Variants in BATF observed in about 807,000 individuals in gnomAD.
BATF encodes the protein basic leucine zipper ATF-like transcription factor, also known as basic leucine zipper transcriptional factor ATF-like.
A neutral mutation model predicts 13.7 loss-of-function variants in BATF; 5 were observed. The observed-to-expected ratio is 0.36, with a 90% CI of 0.19 to 0.77. The LOEUF (loss-of-function observed/expected upper bound fraction) is 0.77, where lower values mean the gene tolerates loss of function less well. Among genes scored for constraint, BATF ranks in the 30% least tolerant of loss-of-function variants. The pLI is 0.51. For synonymous variants in BATF, 72 were observed against 67.5 expected (o/e 1.07, Z -0.33); for missense variants, 124 against 163.0 (o/e 0.76, Z 1.30).
intron 2 of BATF, among the ~76,000 whole-genome samples, chr14:75,543,361 A>G (rs745682276): frequency 1.6e-4 from 24 of 152,156 alleles, no homozygotes; most frequent in Non-Finnish European, 3.4e-4. Context: ...AAGAAATGCC[A>G]GGTTGAGGCT....
chr14:75,542,084 G>GAGCCAAGCCCTGCTCTGCGCCTCCCTCA, intron 2 of BATF, among the ~76,000 whole-genome samples: 1 of 152,304 alleles, frequency 6.6e-6, no homozygotes, highest in Non-Finnish European at 1.5e-5. Flanking sequence ...CGCCTCCCTC[G>GAGCCAAGCCCTGCTCTGCGCCTCCCTCA]CGGGCAATGA....
chr14:75,542,067 T>C (rs906580194), intron 2 of BATF, among the ~76,000 whole-genome samples: 1 of 152,232 alleles, frequency 6.6e-6, no homozygotes, highest in African/African-American at 2.4e-5. Flanking sequence ...AGCCAAGCCC[T>C]GCTCTGCGCC....
intron 2 of BATF, among the ~76,000 whole-genome samples, chr14:75,529,494 TG>T (rs1418234250): frequency 2.0e-5 from 3 of 152,084 alleles, no homozygotes; most frequent in African/African-American, 7.2e-5. Flanking sequence ...TAAAGAAACT[TG>T]AAAAGACAAA....
Position 75,546,591 on chromosome 14 carries a change from A to C in BATF, c.298A>C (p.Thr100Pro), listed in dbSNP as rs1309382976. The C allele has an allele frequency of 2.5e-6, 4 of 1,613,834 alleles. No individual in the cohort carries two copies. Among genetic ancestry groups the C allele is most frequent in the Admixed American group, 3.3e-5 (2 of 59,990 alleles). Residue 100 changes from threonine to proline, a missense_variant, in exon 3 of 3, where the codon ACG (threonine) becomes CCG (proline). Coordinates refer to ENST00000286639, the MANE Select transcript of BATF (RefSeq NM_006399.5). ...CCTGTGCTCGGTGCTGGCCGCCAGC[A>C]CGCCCTCGCCCCCCGAGGTGGTGTA... ...EPLCSVLAAS[T>P]PSPPEVVYSA...
intron 2 of BATF, among the ~76,000 whole-genome samples, chr14:75,539,424 A>ATT (rs1162218076): frequency 0.022 from 1,289 of 58,512 alleles, 131 homozygotes; most frequent in African/African-American, 0.086. Flanking sequence ...GTAAGCTGGA[A>ATT]TTTTTTTTTT....
At chr14:75,536,302 G>C (rs1887815658) in intron 2 of BATF, among the ~76,000 whole-genome samples, 1 of 152,182 alleles carries the variant, frequency 6.6e-6, no homozygotes, top group South Asian at 2.1e-4. Flanking sequence ...GAAAGATCTG[G>C]GGAGAGGGTG....
At chr14:75,529,338 A>G (rs1887698639) in intron 2 of BATF, among the ~76,000 whole-genome samples, 1 of 152,272 alleles carries the variant, frequency 6.6e-6, no homozygotes, top group Non-Finnish European at 1.5e-5. Flanking sequence ...GGACACAAGT[A>G]TAAATACAAA....
intron 2 of BATF, among the ~76,000 whole-genome samples, chr14:75,530,208 C>T (rs993248140): frequency 6.6e-6 from 1 of 152,178 alleles, no homozygotes; most frequent in Non-Finnish European, 1.5e-5. Flanking sequence ...AGCAGTGAGG[C>T]TGGCAAAGAT....
intron 2 of BATF, among the ~76,000 whole-genome samples, chr14:75,529,470 T>TA (rs1338129134): frequency 1.3e-5 from 2 of 151,868 alleles, no homozygotes; most frequent in African/African-American, 2.4e-5. Flanking sequence ...TTAAATTTTT[T>TA]AAAAAAAGGA....
intron 2 of BATF, 88 bp from the exon 3 acceptor site, chr14:75,546,374 A>C (rs1362077936): frequency 7.4e-7 from 1 of 1,357,384 alleles, no homozygotes; most frequent in African/African-American, 1.4e-5. Context: ...TGAACAACTA[A>C]TCTGGCCCCT....
chr14:75,529,781 A>G (rs1887705524), intron 2 of BATF, among the ~76,000 whole-genome samples: 1 of 152,100 alleles, frequency 6.6e-6, no homozygotes, highest in Admixed American at 6.5e-5. Context: ...AAAATGAACA[A>G]TGGGCCGGGC....
At chr14:75,528,524 T>C (rs555220848) in intron 2 of BATF, among the ~76,000 whole-genome samples, 14 of 152,230 alleles carry the variant, frequency 9.2e-5, no homozygotes, top group Non-Finnish European at 1.9e-4. Flanking sequence ...ATCTCTGACA[T>C]AAAATGGATC....
intron 2 of BATF, among the ~76,000 whole-genome samples, chr14:75,545,213 T>G (rs1887963401): frequency 6.6e-6 from 1 of 151,884 alleles, no homozygotes; most frequent in African/African-American, 2.4e-5. Context: ...ATTTATTTAT[T>G]TCATTTTTAT....
intron 2 of BATF, among the ~76,000 whole-genome samples, chr14:75,544,319 C>CT (rs1315331673): frequency 2.0e-5 from 3 of 151,884 alleles, no homozygotes; most frequent in African/African-American, 7.3e-5. Flanking sequence ...AATCCCAGCA[C>CT]TTTGGGAGAC....
intron 2 of BATF, among the ~76,000 whole-genome samples, chr14:75,535,972 T>C (rs1887810387): frequency 6.6e-6 from 1 of 152,160 alleles, no homozygotes; most frequent in Non-Finnish European, 1.5e-5. Flanking sequence ...GGCCATATTA[T>C]CAGTACTAGA....
At chr14:75,524,840 C>T (rs1250947618) in intron 1 of BATF, among the ~76,000 whole-genome samples, 4 of 151,258 alleles carry the variant, frequency 2.6e-5, no homozygotes, top group Non-Finnish European at 4.4e-5. Flanking sequence ...ATTGAGTCCT[C>T]AAGTTCTCTT....
chr14:75,540,196 C>T (rs1189266928), intron 2 of BATF, among the ~76,000 whole-genome samples: 1 of 152,126 alleles, frequency 6.6e-6, no homozygotes, highest in African/African-American at 2.4e-5. Context: ...CCACCAGGGC[C>T]CAGCTAGGAA....
intron 2 of BATF, among the ~76,000 whole-genome samples, chr14:75,535,518 T>G (rs1252099449): frequency 6.6e-6 from 1 of 152,212 alleles, no homozygotes; most frequent in African/African-American, 2.4e-5. Flanking sequence ...GTAGTTATAC[T>G]GTATTTTTTT....
chr14:75,546,158 G>C (rs1431006326), intron 2 of BATF, among the ~76,000 whole-genome samples: 1 of 152,080 alleles, frequency 6.6e-6, no homozygotes, highest in Non-Finnish European at 1.5e-5. Context: ...CACCGCGCCC[G>C]GCCTGAAATT....
Sources: gnomAD v4.1 joint callset for allele counts (sites outside exome capture counted in the v4.1 genomes callset) on GRCh38, gnomAD v4.1.1 for gene constraint, MANE v1.5 for transcripts, NCBI Gene and HGNC (gene_info 2026-07-23, HGNC 2026-07-21) for gene names.